Variants in SYT1 observed in about 807,000 individuals in gnomAD.
The protein encoded by SYT1 is synaptotagmin 1, also known as synaptotagmin-1.
A neutral mutation model predicts 44.8 loss-of-function variants in SYT1; 8 were observed. The ratio of observed to expected loss-of-function variants is 0.18; its 90% CI spans 0.10 to 0.32. The LOEUF is 0.32. SYT1 is among the 10% of genes least tolerant of loss of function. The pLI is 1.00. For missense variants in SYT1, 286 were observed against 509.3 expected (o/e 0.56, Z 4.22); for synonymous variants, 154 against 188.8 (o/e 0.82, Z 1.51).
chr12:79,030,195 A>G (rs972029619), intron 2 of SYT1, among the ~76,000 whole-genome samples: 1 of 151,118 alleles, frequency 6.6e-6, no homozygotes, highest in Admixed American at 6.6e-5. Flanking sequence ...TTCTTGTGCT[A>G]TATTAATTTT....
intron 3 of SYT1, among the ~76,000 whole-genome samples, chr12:79,165,809 A>T (rs1871192151): frequency 6.6e-6 from 1 of 152,040 alleles, no homozygotes; most frequent in South Asian, 2.1e-4. Context: ...TTATAAAGAT[A>T]CATATTAGGT....
Position 79,005,220 on chromosome 12 carries a change from T to TCTTTC in SYT1, c.-84+27289_-84+27290insCTTTC, listed in dbSNP as rs1192836435. Among the ~76,000 whole-genome samples, 28 of 152,154 alleles carry TCTTTC rather than the reference T, an allele frequency of 1.8e-4. No individual in the cohort carries two copies. The East Asian group carries it at 5.4e-3, about 29-fold the overall frequency. ...AGCCATAGACTTTAGAAAGAGAGTA[T>TCTTTC]TAATGAGCTCATAATATATCTGAAC... On this transcript the variant is annotated intron_variant, in intron 2 of 10. Coordinates refer to ENST00000261205, the MANE Select transcript of SYT1 (RefSeq NM_005639.3).
At chr12:78,919,573 T>C (rs1231473772) in intron 1 of SYT1, among the ~76,000 whole-genome samples, 2 of 152,084 alleles carry the variant, frequency 1.3e-5, no homozygotes, top group Admixed American at 6.6e-5. Flanking sequence ...ATGCAGTATA[T>C]ATTACCACCC....
At chr12:78,972,934 A>T (rs1473325903) in intron 1 of SYT1, among the ~76,000 whole-genome samples, 9 of 152,174 alleles carry the variant, frequency 5.9e-5, no homozygotes, top group Admixed American at 5.9e-4. Flanking sequence ...TGGGCTTAAA[A>T]TAATTGAATC....
At chr12:79,074,354 G>A (rs375479016) in intron 3 of SYT1, among the ~76,000 whole-genome samples, 1 of 152,106 alleles carries the variant, frequency 6.6e-6, no homozygotes. Context: ...TTGTAAATGA[G>A]AGGTTTAAAA....
chr12:79,235,236 T>C (rs1876118505), intron 4 of SYT1, among the ~76,000 whole-genome samples: 1 of 152,232 alleles, frequency 6.6e-6, no homozygotes, highest in Non-Finnish European at 1.5e-5. Flanking sequence ...ATGAGAGTTC[T>C]AGTTGCTCTA....
At chr12:79,107,232 A>G (rs12311661) in intron 3 of SYT1, among the ~76,000 whole-genome samples, 2,228 of 152,080 alleles carry the variant, frequency 0.015, 52 homozygotes, top group African/African-American at 0.051. Flanking sequence ...TTTTTTATCC[A>G]AGAACTTTAG....
intron 4 of SYT1, among the ~76,000 whole-genome samples, chr12:79,280,581 C>T (rs1878992361): frequency 6.6e-6 from 1 of 151,880 alleles, no homozygotes. Flanking sequence ...AAAAACTCTT[C>T]TCAACATTGG....
At chr12:79,343,971 C>A (rs1287545637) in intron 8 of SYT1, among the ~76,000 whole-genome samples, 2 of 152,276 alleles carry the variant, frequency 1.3e-5, no homozygotes, top group Middle Eastern at 3.4e-3. Context: ...GCTTAAAACA[C>A]CCATTTATTA....
intron 2 of SYT1, among the ~76,000 whole-genome samples, chr12:79,011,035 T>C (rs1210346836): frequency 1.3e-5 from 2 of 152,196 alleles, no homozygotes; most frequent in Non-Finnish European, 2.9e-5. Context: ...CCAATCATTG[T>C]TGAGAAGTTC....
At chr12:78,969,090 A>G (rs1868316169) in intron 1 of SYT1, among the ~76,000 whole-genome samples, 1 of 152,206 alleles carries the variant, frequency 6.6e-6, no homozygotes, top group Admixed American at 6.5e-5. Context: ...ACATGTAGAG[A>G]CTTTTTCATG....
chr12:79,167,528 A>G, intron 3 of SYT1, among the ~76,000 whole-genome samples: 1 of 152,032 alleles, frequency 6.6e-6, no homozygotes, highest in East Asian at 1.9e-4. Flanking sequence ...ATAAAATTTG[A>G]TAATACGAAG....
rs1397128687 is a variant in SYT1 at position 79,304,152 on chromosome 12, A to C, written c.810+4601A>C. ...TCCTCACTGGACTGAAACTCCATCC[A>C]GGCAGCAACCATGTCTATGGTTCCT... On this transcript the variant is annotated intron_variant, in intron 8 of 10. Coordinates refer to ENST00000261205, the MANE Select transcript of SYT1 (RefSeq NM_005639.3). 2.6e-5 allele frequency among the ~76,000 whole-genome samples: 4 copies of C among 152,220 alleles called. No individual in the cohort carries two copies. In the South Asian group the frequency reaches 8.3e-4, roughly 31 times the overall value.
At chr12:79,293,644 G>A (rs1483864771) in intron 6 of SYT1, among the ~76,000 whole-genome samples, 1 of 152,176 alleles carries the variant, frequency 6.6e-6, no homozygotes. Context: ...AATGCTGTGA[G>A]AGCTCTAAGC....
At chr12:78,878,417 G>A (rs1306053999) in intron 1 of SYT1, among the ~76,000 whole-genome samples, 1 of 151,808 alleles carries the variant, frequency 6.6e-6, no homozygotes, top group Non-Finnish European at 1.5e-5. Flanking sequence ...GTGAAGGTCT[G>A]TAATTGACTA....
intron 1 of SYT1, among the ~76,000 whole-genome samples, chr12:78,962,608 G>A (rs980471759): frequency 9.2e-5 from 14 of 152,046 alleles, no homozygotes; most frequent in African/African-American, 3.4e-4. Context: ...AGGTTGGCCT[G>A]TGTGTATTCT....
chr12:79,105,966 T>C (rs17046391), intron 3 of SYT1, among the ~76,000 whole-genome samples: 1 of 151,528 alleles, frequency 6.6e-6, no homozygotes. Flanking sequence ...ATTGTAGAGG[T>C]TAACTTGGCA....
chr12:79,141,762 G>A (rs1869572073), intron 3 of SYT1, among the ~76,000 whole-genome samples: 1 of 152,160 alleles, frequency 6.6e-6, no homozygotes, highest in Non-Finnish European at 1.5e-5. Flanking sequence ...CCTTGTGTAT[G>A]ATATTCATTG....
chr12:78,953,304 A>C (rs1879059089), intron 1 of SYT1, among the ~76,000 whole-genome samples: 1 of 152,110 alleles, frequency 6.6e-6, no homozygotes, highest in African/African-American at 2.4e-5. Flanking sequence ...CCACTTCAAA[A>C]TGAACATTCC....
Sources: allele counts gnomAD v4.1 joint callset (sites outside exome capture counted in the v4.1 genomes callset), GRCh38; gene constraint gnomAD v4.1.1; transcripts MANE v1.5; gene names NCBI Gene and HGNC (gene_info 2026-07-23, HGNC 2026-07-21).